ADGRG2: variants seen among roughly 807,000 people sequenced by gnomAD.
ADGRG2 encodes the protein G protein-coupled receptor 64.
In ADGRG2, 26 loss-of-function variants were observed where a neutral mutation model predicts 74.1. The ratio of observed to expected loss-of-function variants is 0.35; its 90% CI spans 0.26 to 0.49. ADGRG2 has a LOEUF of 0.49. ADGRG2 is among the 20% of genes least tolerant of loss of function. The probability of loss-of-function intolerance (pLI) is 0.99; values close to 1 mark genes in which losing one functional copy is unlikely to be tolerated. For synonymous variants in ADGRG2, 296 were observed against 295.2 expected, an observed-to-expected ratio of 1.00 and a Z score of -0.03; for missense variants, 619 against 763.1, an observed-to-expected ratio of 0.81 and a Z score of 2.22.
At chrX:19,029,742 T>C (rs1430942262) in intron 9 of ADGRG2, among the ~76,000 whole-genome samples, 1 of 109,903 alleles carries the variant, frequency 9.1e-6, no homozygotes, top group Non-Finnish European at 1.9e-5. Flanking sequence ...TCAAACATCA[T>C]GTAGACACAA....
At chrX:19,082,783 G>C (rs1399119479) in intron 1 of ADGRG2, 37 bp from the exon 2 acceptor site, 1 of 112,359 alleles carries the variant, frequency 8.9e-6, no homozygotes, top group African/African-American at 3.2e-5. Context: ...AGCAAAATTA[G>C]ACCAATGGAA....
At chrX:19,007,123 C>G (rs770697115) in intron 20 of ADGRG2, 112 bp downstream of exon 20, 1 of 754,684 alleles carries the variant, frequency 1.3e-6, no homozygotes, top group Non-Finnish European at 2.0e-6. Flanking sequence ...ACTACTCCAG[C>G]TGAGCTGAAG....
At chrX:19,080,958 G>A (rs1036253716) in intron 2 of ADGRG2, among the ~76,000 whole-genome samples, 6 of 109,753 alleles carry the variant, frequency 5.5e-5, no homozygotes, top group South Asian at 4.0e-4. Context: ...GTTGACGAAT[G>A]TTTATTGAAG....
chrX:19,095,733 G>A (rs2062085175), intron 1 of ADGRG2, among the ~76,000 whole-genome samples: 1 of 111,883 alleles, frequency 8.9e-6, no homozygotes, highest in African/African-American at 3.2e-5. Flanking sequence ...GTGCCGGGGA[G>A]CCAGGCGCAA....
At chrX:19,117,363 G>C (rs757531270) in intron 1 of ADGRG2, among the ~76,000 whole-genome samples, 1 of 110,109 alleles carries the variant, frequency 9.1e-6, no homozygotes, top group East Asian at 2.8e-4. Flanking sequence ...ATTGTGAATG[G>C]TGGGCAAAAA....
chrX:19,052,771 C>T (rs2061345744), intron 3 of ADGRG2, among the ~76,000 whole-genome samples: 1 of 108,736 alleles, frequency 9.2e-6, no homozygotes, highest in Non-Finnish European at 1.9e-5. Context: ...CTCACTGCAA[C>T]CTACACCTCC....
chrX:19,051,970 A>G (rs1164505574), intron 3 of ADGRG2, among the ~76,000 whole-genome samples: 1 of 112,528 alleles, frequency 8.9e-6, no homozygotes, highest in Non-Finnish European at 1.9e-5. Flanking sequence ...GATAACTGGA[A>G]TACCACCCAT....
intron 2 of ADGRG2, among the ~76,000 whole-genome samples, chrX:19,081,626 T>C (rs140908896): frequency 1.0e-3 from 113 of 112,485 alleles, no homozygotes; most frequent in African/African-American, 3.5e-3. Flanking sequence ...AGCAATAACT[T>C]ACTAGTATCT....
intron 2 of ADGRG2, among the ~76,000 whole-genome samples, chrX:19,069,230 G>A (rs1246541636): frequency 2.7e-5 from 3 of 111,525 alleles, no homozygotes; most frequent in Admixed American, 1.9e-4. Flanking sequence ...ATAGGGTCTC[G>A]CTATGTAGCC....
chrX:19,061,802 C>G (rs914194070), intron 3 of ADGRG2, among the ~76,000 whole-genome samples: 1 of 112,075 alleles, frequency 8.9e-6, no homozygotes, highest in Non-Finnish European at 1.9e-5. Flanking sequence ...AAGATGGCGC[C>G]TGGGCTGAGA....
intron 4 of ADGRG2, among the ~76,000 whole-genome samples, chrX:19,039,804 G>A (rs999872465): frequency 1.8e-5 from 2 of 111,581 alleles, no homozygotes; most frequent in Admixed American, 1.9e-4. Context: ...AGGTACTGAG[G>A]GTGTATATTT....
rs2059906650 is a variant in ADGRG2 at position 18,990,714 on chromosome X, A to C, written c.*150T>G. On this transcript the variant is annotated 3_prime_UTR_variant, in exon 29 of 29. Transcript: ENST00000379869. ...TGTAATGTCTTGGTTTCTTCTTGTA[A>C]TAATAATCATCGCCCTTAATTAGCT... 2.6e-6 allele frequency: 1 copy of C among 385,814 alleles called. No homozygotes were observed. Among genetic ancestry groups the C allele is most frequent in the Admixed American group, 4.9e-5 (1 of 20,584 alleles). The allele number at this position is 385,814 out of a possible 1,213,427, so 31.8% of individuals were successfully genotyped here. A position where few individuals can be genotyped will look rare whatever the true frequency, so the allele number is the denominator to read the frequency against.
At chrX:19,059,559 G>A (rs1285768090) in intron 3 of ADGRG2, among the ~76,000 whole-genome samples, 1 of 110,809 alleles carries the variant, frequency 9.0e-6, no homozygotes, top group African/African-American at 3.3e-5. Flanking sequence ...TGCTGCTGTT[G>A]TTAATCTTTA....
intron 3 of ADGRG2, among the ~76,000 whole-genome samples, chrX:19,061,242 G>A (rs185350545): frequency 3.7e-4 from 41 of 111,762 alleles, no homozygotes; most frequent in African/African-American, 1.3e-3. Context: ...TAAGCTGAGG[G>A]GGGGCCCACT....
chrX:19,061,827 C>G (rs1253692311), intron 3 of ADGRG2, among the ~76,000 whole-genome samples: 2 of 111,889 alleles, frequency 1.8e-5, no homozygotes, highest in African/African-American at 6.5e-5. Flanking sequence ...CGTGCTAGGG[C>G]CTTTCTGGCA....
intron 1 of ADGRG2, among the ~76,000 whole-genome samples, chrX:19,115,249 C>T (rs1296956350): frequency 2.7e-5 from 3 of 111,206 alleles, no homozygotes; most frequent in African/African-American, 9.8e-5. Flanking sequence ...TCATTTGACA[C>T]GTGGATAAAG....
chrX:19,000,008 T>C, intron 24 of ADGRG2, 48 bp from the exon 25 acceptor site: 1 of 727,483 alleles, frequency 1.4e-6, no homozygotes, highest in Middle Eastern at 4.7e-4. Flanking sequence ...TTTTTTTTTT[T>C]TTTGAGACGG....
rs769376682 is a variant in ADGRG2 at position 18,998,992 on chromosome X, T to C, written c.2614+4A>G. The C allele has an allele frequency of 1.8e-5, 21 of 1,179,586 alleles. No homozygotes were observed. The South Asian group carries it at 3.9e-4, about 22-fold the overall frequency. On this transcript the variant is annotated splice_donor_region_variant and intron_variant, in intron 26 of 28. Coordinates refer to ENST00000379869, the MANE Select transcript of ADGRG2 (RefSeq NM_001079858.3). The stretch of plus-strand genomic sequence containing the variant: ...CAGTTTGTATTTGATGCTGTAAAGC[T>C]TACCTTGTAAGGTATTAAAGATGGC...
At chrX:19,055,819 C>T (rs1230926479) in intron 3 of ADGRG2, among the ~76,000 whole-genome samples, 5 of 107,891 alleles carry the variant, frequency 4.6e-5, no homozygotes, top group Non-Finnish European at 9.6e-5. Context: ...CTGCAACCTC[C>T]GCCTCCCAGG....
Sources: allele counts gnomAD v4.1 joint callset (sites outside exome capture counted in the v4.1 genomes callset), GRCh38; gene constraint gnomAD v4.1.1; transcripts MANE v1.5; gene names NCBI Gene and HGNC (gene_info 2026-07-23, HGNC 2026-07-21).